Variants in ADAMTS2 observed in about 807,000 individuals in gnomAD.
The protein encoded by ADAMTS2 is A disintegrin and metalloproteinase with thrombospondin motifs 2.
A neutral mutation model predicts 123.0 loss-of-function variants in ADAMTS2; 50 were observed. The observed-to-expected ratio is 0.41, with a 90% CI of 0.32 to 0.51. The LOEUF (loss-of-function observed/expected upper bound fraction) is 0.51, where lower values mean the gene tolerates loss of function less well. ADAMTS2 is among the 20% of genes least tolerant of loss of function. The probability of loss-of-function intolerance (pLI) is 0.35; values close to 1 mark genes in which losing one functional copy is unlikely to be tolerated. For synonymous variants in ADAMTS2, 678 were observed against 695.4 expected (o/e 0.98, Z 0.39); for missense variants, 1,494 against 1,705.2 (o/e 0.88, Z 2.18).
chr5:179,166,841 A>G (rs1763710169), intron 5 of ADAMTS2, among the ~76,000 whole-genome samples: 1 of 152,176 alleles, frequency 6.6e-6, no homozygotes, highest in Non-Finnish European at 1.5e-5. Context: ...TGCCCTCAGT[A>G]GCCCCACTCC....
chr5:179,329,141 C>G (rs956974459), intron 2 of ADAMTS2, among the ~76,000 whole-genome samples: 1 of 151,834 alleles, frequency 6.6e-6, no homozygotes, highest in Non-Finnish European at 1.5e-5. Flanking sequence ...TCCTGGCTAA[C>G]ACGGTGAAAC....
intron 3 of ADAMTS2, among the ~76,000 whole-genome samples, chr5:179,253,270 G>T (rs1028216178): frequency 1.3e-5 from 2 of 152,136 alleles, no homozygotes; most frequent in South Asian, 4.1e-4. Flanking sequence ...ATCTGGGCTT[G>T]TTTCTCCCAT....
chr5:179,276,597 A>C (rs1766701728), intron 2 of ADAMTS2, among the ~76,000 whole-genome samples: 1 of 152,194 alleles, frequency 6.6e-6, no homozygotes, highest in African/African-American at 2.4e-5. Context: ...CCTCCACCCA[A>C]GTGATTTCAT....
chr5:179,132,407 C>T lies in ADAMTS2; in HGVS notation c.2210-97G>A. On this transcript the variant is annotated intron_variant, in intron 14 of 21. Coordinates refer to ENST00000251582, the MANE Select transcript of ADAMTS2 (RefSeq NM_014244.5). This position sits in a 1 kb window ranked among gnomAD's most constrained non-coding sequence, Gnocchi z 6.1. ...GGGGCCTCGCTCTTGAAGGCAGCTC[C>T]TCCGGAGGCTCTCCCAGGACCCTGG... 8.4e-7 allele frequency: 1 copy of T among 1,195,426 alleles called. No homozygotes were observed. Among genetic ancestry groups the T allele is most frequent in the Non-Finnish European group, 1.2e-6 (1 of 823,044 alleles). The allele number at this position is 1,195,426 out of a possible 1,614,324, so 74.1% of individuals were successfully genotyped here. A position where few individuals can be genotyped will look rare whatever the true frequency, so the allele number is the denominator to read the frequency against.
chr5:179,242,725 G>A lies in ADAMTS2; in HGVS notation c.688+30186C>T, dbSNP rs930154925. 2.0e-5 allele frequency among the ~76,000 whole-genome samples: 3 copies of A among 152,166 alleles called. No homozygotes were observed. The highest frequency in any genetic ancestry group is 4.4e-5 in the Non-Finnish European group (3 of 68,044). ...TTATGGGGAGTTCCACTCTGGGGGT[G>A]TGTGGCCAAGAACACAGGGCTCCCT... On this transcript the variant is annotated intron_variant, in intron 3 of 21. Coordinates refer to ENST00000251582, the MANE Select transcript of ADAMTS2 (RefSeq NM_014244.5). This position sits in a 1 kb window ranked among gnomAD's most constrained non-coding sequence, Gnocchi z 4.2.
In ADAMTS2 at chr5:179,228,326, C is replaced by A. The variant is rs559019004; in HGVS notation, c.689-20611G>T. ...CTGAGGCCCACAGAGGTGACAGGAACGGGCCAGGTGCACGGACAGGGCTGT... is the reference window on the plus strand; with the variant it reads ...CTGAGGCCCACAGAGGTGACAGGAAAGGGCCAGGTGCACGGACAGGGCTGT... On this transcript the variant is annotated intron_variant, in intron 3 of 21. Transcript: ENST00000251582. The surrounding 1 kb of genome is among the most constrained non-coding windows in gnomAD (Gnocchi z 5.2). Among the ~76,000 whole-genome samples the A allele has an allele frequency of 6.6e-6, 1 of 152,258 alleles. No homozygotes were observed. The highest frequency in any genetic ancestry group is 2.1e-4 in the South Asian group (1 of 4,818).
chr5:179,150,201 C>T (rs968324447), intron 10 of ADAMTS2, among the ~76,000 whole-genome samples: 1 of 145,778 alleles, frequency 6.9e-6, no homozygotes, highest in Non-Finnish European at 1.5e-5. Context: ...TCCTCCCTGC[C>T]TGGGGTGGGT....
At chr5:179,266,364 C>G (rs1002054543) in intron 3 of ADAMTS2, among the ~76,000 whole-genome samples, 3 of 152,160 alleles carry the variant, frequency 2.0e-5, no homozygotes, top group African/African-American at 7.2e-5. Flanking sequence ...TAAATGTTAT[C>G]ACAAGTGTCC....
chr5:179,339,165 C>T (rs371508521), intron 2 of ADAMTS2, among the ~76,000 whole-genome samples: 1 of 152,222 alleles, frequency 6.6e-6, no homozygotes, highest in Non-Finnish European at 1.5e-5. Flanking sequence ...TGTCCCTCCC[C>T]CTCAGTCCCA....
Position 179,132,380 on chromosome 5 carries a change from G to T in ADAMTS2, c.2210-70C>A, listed in dbSNP as rs1762980297. Reference sequence around the variant, plus strand: ...GCCGCTCAAATTCGCACCATGCAAGGAGGGGCCTCGCTCTTGAAGGCAGCT... The same window carrying T: ...GCCGCTCAAATTCGCACCATGCAAGTAGGGGCCTCGCTCTTGAAGGCAGCT... On this transcript the variant is annotated intron_variant, in intron 14 of 21. Coordinates refer to ENST00000251582, the MANE Select transcript of ADAMTS2 (RefSeq NM_014244.5). The surrounding 1 kb of genome is among the most constrained non-coding windows in gnomAD (Gnocchi z 6.1). The T allele has an allele frequency of 6.9e-7, 1 of 1,456,936 alleles. No individual in the cohort carries two copies. 90.3% of individuals were successfully genotyped at this position (1,456,936 alleles called of 1,614,324 possible). A position where few individuals can be genotyped will look rare whatever the true frequency, so the allele number is the denominator to read the frequency against.
intron 2 of ADAMTS2, among the ~76,000 whole-genome samples, chr5:179,286,216 C>CAA (rs33951526): frequency 0.018 from 1,196 of 65,938 alleles, 13 homozygotes; most frequent in Middle Eastern, 0.03. Flanking sequence ...ACTCTTGTCT[C>CAA]AAAAAAAAAA....
At chr5:179,315,065 C>G (rs978859495) in intron 2 of ADAMTS2, among the ~76,000 whole-genome samples, 1 of 149,722 alleles carries the variant, frequency 6.7e-6, no homozygotes, top group South Asian at 2.1e-4. Context: ...CAAGGCCCCA[C>G]CCCGGCCTCC....
intron 2 of ADAMTS2, among the ~76,000 whole-genome samples, chr5:179,321,487 A>G (rs1339456040): frequency 6.6e-6 from 1 of 150,612 alleles, no homozygotes; most frequent in Non-Finnish European, 1.5e-5. Flanking sequence ...AATTCCCTGA[A>G]CCCCCTCCTC....
intron 2 of ADAMTS2, among the ~76,000 whole-genome samples, chr5:179,309,053 G>A (rs777649461): frequency 1.3e-5 from 2 of 152,228 alleles, no homozygotes; most frequent in African/African-American, 4.8e-5. Flanking sequence ...TCCTGACTGT[G>A]GACTGGAGTT....
intron 4 of ADAMTS2, among the ~76,000 whole-genome samples, chr5:179,199,391 T>A (rs540657914): frequency 6.6e-6 from 1 of 152,168 alleles, no homozygotes; most frequent in African/African-American, 2.4e-5. Context: ...GAAAGGGGCA[T>A]GTCTGGTGGA....
chr5:179,258,632 A>C (rs1766131817), intron 3 of ADAMTS2, among the ~76,000 whole-genome samples: 2 of 152,188 alleles, frequency 1.3e-5, no homozygotes, highest in African/African-American at 4.8e-5. Flanking sequence ...AGCTGGACTC[A>C]AATATGTGTC....
chr5:179,133,085 A>G (rs1275906796), intron 13 of ADAMTS2, among the ~76,000 whole-genome samples, 185 bp from the exon 14 acceptor site: 1 of 151,612 alleles, frequency 6.6e-6, no homozygotes, highest in Non-Finnish European at 1.5e-5. Context: ...CCAAAATCAG[A>G]GTGCGTCTAG....
At chr5:179,207,074 GC>G (rs1764716356) in intron 4 of ADAMTS2, among the ~76,000 whole-genome samples, 1 of 152,172 alleles carries the variant, frequency 6.6e-6, no homozygotes, top group Non-Finnish European at 1.5e-5. Flanking sequence ...AGAAGGCAGG[GC>G]TATCCAGCTG....
intron 3 of ADAMTS2, among the ~76,000 whole-genome samples, chr5:179,223,251 T>C (rs919765215): frequency 6.6e-6 from 1 of 151,026 alleles, no homozygotes; most frequent in Non-Finnish European, 1.5e-5. Flanking sequence ...CGCAGTCACA[T>C]ACACACATGC....
Sources: allele counts gnomAD v4.1 joint callset (sites outside exome capture counted in the v4.1 genomes callset), GRCh38; gene constraint gnomAD v4.1.1; non-coding constraint Gnocchi (gnomAD v3.1); transcripts MANE v1.5; gene names NCBI Gene and HGNC (gene_info 2026-07-23, HGNC 2026-07-21).